GULP1: variants seen among roughly 807,000 people sequenced by gnomAD.
The protein encoded by GULP1 is GULP PTB domain containing engulfment adaptor 1, also known as PTB domain-containing engulfment adapter protein 1.
GULP1 carries 19 observed loss-of-function variants against 40.9 expected under a neutral mutation model. That is an observed-to-expected ratio of 0.46 (90% CI 0.32 to 0.68). GULP1 has a LOEUF of 0.68. Among genes scored for constraint, GULP1 ranks in the 30% least tolerant of loss-of-function variants. The probability of loss-of-function intolerance (pLI) is 0.03; values close to 1 mark genes in which losing one functional copy is unlikely to be tolerated. For missense variants in GULP1, 312 were observed against 362.2 expected, an observed-to-expected ratio of 0.86 and a Z score of 1.12; for synonymous variants, 119 against 117.6, an observed-to-expected ratio of 1.01 and a Z score of -0.08.
chr2:188,547,795 A>T (rs1207486665), intron 7 of GULP1, among the ~76,000 whole-genome samples: 1 of 152,210 alleles, frequency 6.6e-6, no homozygotes, highest in South Asian at 2.1e-4. Flanking sequence ...AAAGGTTAAG[A>T]GTAGTTTGTC....
chr2:188,471,474 G>A (rs1404761243), intron 2 of GULP1, among the ~76,000 whole-genome samples: 2 of 151,698 alleles, frequency 1.3e-5, no homozygotes, highest in Non-Finnish European at 2.9e-5. Flanking sequence ...TCCTTTTATT[G>A]AAGGAGATTT....
intron 2 of GULP1, among the ~76,000 whole-genome samples, chr2:188,456,285 T>A (rs1196931264): frequency 1.3e-5 from 2 of 152,146 alleles, no homozygotes; most frequent in African/African-American, 4.8e-5. Context: ...TCAGAGACCT[T>A]TGCAACAGCC....
chr2:188,431,210 T>C (rs1469756628), intron 2 of GULP1, among the ~76,000 whole-genome samples: 1 of 152,154 alleles, frequency 6.6e-6, no homozygotes, highest in Non-Finnish European at 1.5e-5. Flanking sequence ...AATTAAGTTA[T>C]ACTGGAGGAA....
chr2:188,567,032 A>C (rs1161511206), intron 7 of GULP1, among the ~76,000 whole-genome samples: 1 of 152,022 alleles, frequency 6.6e-6, no homozygotes, highest in Non-Finnish European at 1.5e-5. Context: ...TGAAAAAAAA[A>C]CTCAACATCA....
intron 1 of GULP1, among the ~76,000 whole-genome samples, chr2:188,324,621 T>C (rs965259026): frequency 7.2e-5 from 11 of 151,918 alleles, no homozygotes; most frequent in Non-Finnish European, 1.0e-4. Context: ...AAATCAAATA[T>C]TAAATAAATT....
intron 4 of GULP1, among the ~76,000 whole-genome samples, chr2:188,520,759 A>C (rs1225814234): frequency 6.6e-6 from 1 of 152,116 alleles, no homozygotes; most frequent in African/African-American, 2.4e-5. Context: ...ACAAGGAGTC[A>C]CTTGCAATGC....
At chr2:188,517,508 T>A (rs894996447) in intron 4 of GULP1, among the ~76,000 whole-genome samples, 1 of 152,154 alleles carries the variant, frequency 6.6e-6, no homozygotes, top group African/African-American at 2.4e-5. Flanking sequence ...CTTTTGTTGC[T>A]GTTTTTTTTC....
Position 188,407,217 on chromosome 2 carries a change from T to G in GULP1, c.-45+23328T>G, listed in dbSNP as rs142431973. 6.6e-5 allele frequency among the ~76,000 whole-genome samples: 10 copies of G among 152,054 alleles called. 1 individual carries two copies. The highest frequency in any genetic ancestry group is 6.6e-4 in the Admixed American group (10 of 15,260). On this transcript the variant is annotated intron_variant, in intron 2 of 11. Transcript: ENST00000409830. ...TCAGGACAAACAAAAGCTGAGGGAG[T>G]TCAGTACCACCAGACCTATCTTACA...
chr2:188,376,195 T>A (rs1201109004), intron 1 of GULP1, among the ~76,000 whole-genome samples: 2 of 152,200 alleles, frequency 1.3e-5, no homozygotes, highest in Non-Finnish European at 2.9e-5. Context: ...AATGCAAAGA[T>A]GATTAATCCC....
intron 2 of GULP1, among the ~76,000 whole-genome samples, chr2:188,438,136 A>G (rs1050881531): frequency 6.6e-6 from 1 of 152,142 alleles, no homozygotes. Flanking sequence ...GGGAGTTCTA[A>G]TATATACTTC....
intron 1 of GULP1, among the ~76,000 whole-genome samples, chr2:188,340,683 G>A (rs1395486339): frequency 1.3e-5 from 2 of 152,148 alleles, no homozygotes; most frequent in Non-Finnish European, 2.9e-5. Flanking sequence ...AAGTATGACA[G>A]CCTTTAGCAT....
At chr2:188,345,210 A>G (rs111647069) in intron 1 of GULP1, among the ~76,000 whole-genome samples, 212 of 152,304 alleles carry the variant, frequency 1.4e-3, no homozygotes, top group Non-Finnish European at 2.8e-3. Flanking sequence ...CAGTTACGCA[A>G]GACCGTTTCC....
intron 1 of GULP1, among the ~76,000 whole-genome samples, chr2:188,355,968 G>A (rs943231700): frequency 1.1e-4 from 16 of 152,002 alleles, no homozygotes; most frequent in African/African-American, 3.6e-4. Context: ...AAAAGCATTT[G>A]ATAAAATTCA....
intron 4 of GULP1, among the ~76,000 whole-genome samples, chr2:188,485,836 C>T (rs900198602): frequency 1.3e-5 from 2 of 151,886 alleles, no homozygotes; most frequent in African/African-American, 4.8e-5. Context: ...CTCAGGCAAC[C>T]ATCAGTTCTG....
At chr2:188,584,117 T>A (rs1239712667) in intron 9 of GULP1, 148 bp from the exon 10 acceptor site, 1 of 527,280 alleles carries the variant, frequency 1.9e-6, no homozygotes, top group Non-Finnish European at 3.4e-6. Flanking sequence ...AAATTGCGAA[T>A]ACTTAACTAT....
chr2:188,422,353 TGCAATTGTACTTGCACAG>T (rs1194085960), intron 2 of GULP1, among the ~76,000 whole-genome samples: 1 of 151,496 alleles, frequency 6.6e-6, no homozygotes, highest in Non-Finnish European at 1.5e-5. Flanking sequence ...CTAGTTCAAT[TGCAATTGTACTTGCACAG>T]GTACATATGT....
At chr2:188,589,274 A>C (rs1391413140) in intron 11 of GULP1, 1 of 152,284 alleles carries the variant, frequency 6.6e-6, no homozygotes, top group Non-Finnish European at 1.5e-5. Flanking sequence ...TTCAACATGT[A>C]TTCTATCTGA....
chr2:188,382,106 C>G (rs1446402804), intron 1 of GULP1, among the ~76,000 whole-genome samples: 4 of 151,970 alleles, frequency 2.6e-5, no homozygotes, highest in Non-Finnish European at 4.4e-5. Flanking sequence ...CAGCCTATAA[C>G]CTCTCTTTTA....
chr2:188,444,199 T>A (rs28542209), intron 2 of GULP1, among the ~76,000 whole-genome samples: 32,797 of 152,092 alleles, frequency 0.22, 3,843 homozygotes, highest in African/African-American at 0.31. Flanking sequence ...AGGAATAAGT[T>A]CAAGAGATTT....
Sources: allele counts gnomAD v4.1 joint callset (sites outside exome capture counted in the v4.1 genomes callset), GRCh38; gene constraint gnomAD v4.1.1; transcripts MANE v1.5; gene names NCBI Gene and HGNC (gene_info 2026-07-23, HGNC 2026-07-21).